The following MIAT variants were observed in gnomAD, a reference collection of about 807,000 sequenced individuals.
MIAT encodes the protein MI related novel mRNA.
chr22:26,646,599 C>T, exon 1 of MIAT: 1 of 396,944 alleles, frequency 2.5e-6, no homozygotes, highest in Non-Finnish European at 4.4e-6. Context: ...GGCTCAGATC[C>T]CTTCTAGTTG....
chr22:26,673,866 T>C (rs565369715), downstream of MIAT: 1 of 398,700 alleles, frequency 2.5e-6, no homozygotes, highest in East Asian at 3.6e-5. Context: ...GTCAGAAGTA[T>C]AGCCAGTCTT....
exon 5 of MIAT, chr22:26,675,280 A>C (rs976732111): frequency 9.5e-5 from 38 of 398,798 alleles, no homozygotes; most frequent in African/African-American, 7.0e-4. Flanking sequence ...AGAGGATCCA[A>C]AGAGGTTCTG....
downstream of MIAT, chr22:26,670,578 CT>C (rs1931007646): frequency 2.8e-6 from 1 of 353,400 alleles, no homozygotes; most frequent in African/African-American, 2.7e-5. Context: ...CTTAAAGTAA[CT>C]TCTAGGAAAT....
chr22:26,646,936 G>A, exon 1 of MIAT: 1 of 398,620 alleles, frequency 2.5e-6, no homozygotes, highest in Non-Finnish European at 4.4e-6. Flanking sequence ...GATGAAGACG[G>A]CATCATCAAC....
downstream of MIAT, chr22:26,672,605 G>A (rs1239838707): frequency 2.5e-6 from 1 of 399,058 alleles, no homozygotes; most frequent in Non-Finnish European, 4.4e-6. Context: ...AGCTGGGGAA[G>A]AATCCTCTCC....
exon 1 of MIAT, chr22:26,646,596 A>G: frequency 2.5e-6 from 1 of 397,484 alleles, no homozygotes; most frequent in Non-Finnish European, 4.4e-6. Flanking sequence ...TTTGGCTCAG[A>G]TCCCTTCTAG....
chr22:26,650,307 C>A (rs1023061098), intron 2 of MIAT: 1 of 152,186 alleles, frequency 6.6e-6, no homozygotes, highest in African/African-American at 2.4e-5. Flanking sequence ...GAGAAGTTGA[C>A]CCTGCTTCTA....
At chr22:26,648,067 C>T (rs972460946) in intron 2 of MIAT, among the ~76,000 whole-genome samples, 1 of 151,972 alleles carries the variant, frequency 6.6e-6, no homozygotes, top group Non-Finnish European at 1.5e-5. Context: ...AGAGGGGTGG[C>T]GGCAGGCGGG....
rs552211726 is a variant in MIAT, at chr22:26,675,075, C to G, written n.8743C>G. 3.3e-5 allele frequency: 13 copies of G among 398,766 alleles called. No individual in the cohort carries two copies. The South Asian group carries it at 1.7e-3, about 51-fold the overall frequency. The allele number at this position is 398,766 out of a possible 1,614,324, so 24.7% of individuals were successfully genotyped here. A position where few individuals can be genotyped will look rare whatever the true frequency, so the allele number is the denominator to read the frequency against. On this transcript the variant is annotated non_coding_transcript_exon_variant, in exon 5 of 5. Coordinates refer to the MIAT transcript ENST00000613780. ...TTGGGGATGTAGTGGTAGTTAAACA[C>G]CATTTGGTCTTCAGGAGCTTTAATT...
intron 2 of MIAT, among the ~76,000 whole-genome samples, chr22:26,661,935 TATATATATATATATATATATATATATAC>T (rs1262099856): frequency 4.0e-4 from 11 of 27,748 alleles, no homozygotes; most frequent in South Asian, 1.6e-3. Flanking sequence ...TATATATATA[TATATATATATATATATATATATATATAC>T]ACACACACAC....
chr22:26,670,197 C>T (rs912516142), downstream of MIAT: 1 of 398,280 alleles, frequency 2.5e-6, no homozygotes, highest in Non-Finnish European at 4.4e-6. Context: ...TCATGGCCTC[C>T]GTAGTAACTC....
exon 2 of MIAT, chr22:26,647,302 C>T (rs1037770981): frequency 7.0e-5 from 23 of 328,592 alleles, no homozygotes; most frequent in Admixed American, 1.0e-4. Context: ...TGCTGGGATG[C>T]GACAAAAAAG....
chr22:26,674,824 G>T (rs1199828186), exon 5 of MIAT: 1 of 398,674 alleles, frequency 2.5e-6, no homozygotes, highest in East Asian at 3.6e-5. Flanking sequence ...TAACTGCAAA[G>T]ACTTGATGCT....
exon 1 of MIAT, chr22:26,646,625 A>G (rs930897665): frequency 1.5e-5 from 6 of 398,478 alleles, no homozygotes; most frequent in African/African-American, 1.0e-4. Flanking sequence ...GTTTATCTTC[A>G]GTTTCCTTGT....
At chr22:26,665,681 G>A (rs560526018) in exon 4 of MIAT, 366 of 398,682 alleles carry the variant, frequency 9.2e-4, no homozygotes, top group Middle Eastern at 3.1e-3. Context: ...GTCTGTGCAG[G>A]AAAGTGTAGT....
chr22:26,672,308 T>G, downstream of MIAT: 1 of 399,174 alleles, frequency 2.5e-6, no homozygotes, highest in Non-Finnish European at 4.4e-6. Flanking sequence ...CTACTGGCCC[T>G]GTAGACAGAT....
At chr22:26,672,830 A>G (rs1931102814), downstream of MIAT, 1 of 398,490 alleles carries the variant, frequency 2.5e-6, no homozygotes, top group Non-Finnish European at 4.4e-6. Flanking sequence ...TATTTAGTAC[A>G]CAGGAAGTCG....
intron 2 of MIAT, among the ~76,000 whole-genome samples, chr22:26,651,443 G>A (rs1004618223): frequency 2.0e-5 from 3 of 152,204 alleles, no homozygotes; most frequent in African/African-American, 4.8e-5. Context: ...GGGAACATGG[G>A]AGGGTGTATG....
downstream of MIAT, chr22:26,671,385 G>A (rs1931039674): frequency 2.5e-6 from 1 of 398,770 alleles, no homozygotes. Context: ...TGCAGCTGGA[G>A]GGGCCGGGGC....
Sources: allele counts gnomAD v4.1 joint callset (sites outside exome capture counted in the v4.1 genomes callset), GRCh38; gene constraint gnomAD v4.1.1; transcripts MANE v1.5; gene names NCBI Gene and HGNC (gene_info 2026-07-23, HGNC 2026-07-21).